ATAD2: variants seen among roughly 807,000 people sequenced by gnomAD.
The protein encoded by ATAD2 is ATPase family AAA domain containing 2.
A neutral mutation model predicts 168.9 loss-of-function variants in ATAD2; 62 were observed. That is an observed-to-expected ratio of 0.37 (90% confidence interval 0.30 to 0.45). ATAD2 has a LOEUF of 0.45. Among genes scored for constraint, ATAD2 ranks in the 20% least tolerant of loss-of-function variants. ATAD2 has a pLI of 1.00. For synonymous variants in ATAD2, 613 were observed against 571.6 expected (o/e 1.07, Z -1.03); for missense variants, 1,419 against 1,667.8 (o/e 0.85, Z 2.60).
At chr8:123,389,427 C>T (rs759279524) in intron 1 of ATAD2, among the ~76,000 whole-genome samples, 57 of 150,388 alleles carry the variant, frequency 3.8e-4, no homozygotes, top group Non-Finnish European at 7.7e-4. Context: ...ATCACGAAGT[C>T]GGGAGATTGA....
At chr8:123,360,408 C>T (rs1828778819) in intron 9 of ATAD2, among the ~76,000 whole-genome samples, 1 of 151,682 alleles carries the variant, frequency 6.6e-6, no homozygotes, top group South Asian at 2.1e-4. Flanking sequence ...GTGGTGTGAT[C>T]TCGGCTCGCT....
At chr8:123,339,897 C>G (rs1017785561) in intron 19 of ATAD2, among the ~76,000 whole-genome samples, 1 of 145,638 alleles carries the variant, frequency 6.9e-6, no homozygotes, top group South Asian at 2.2e-4. Flanking sequence ...TTTTTGTTTT[C>G]TTTTTTTTTT....
intron 19 of ATAD2, chr8:123,344,365 T>TTA (rs1828162161): frequency 6.8e-6 from 1 of 146,520 alleles, no homozygotes; most frequent in Non-Finnish European, 1.5e-5. Context: ...TTTTTTTTTT[T>TTA]GAGACAGAGT....
chr8:123,410,066 T>C (rs1000307476), intron 1 of ATAD2, among the ~76,000 whole-genome samples: 1 of 152,114 alleles, frequency 6.6e-6, no homozygotes, highest in Admixed American at 6.6e-5. Context: ...TTTACATGTC[T>C]GTGGCCTTTC....
chr8:123,349,509 A>G, intron 13 of ATAD2, 65 bp from the exon 14 acceptor site: 1 of 1,468,534 alleles, frequency 6.8e-7, no homozygotes, highest in Non-Finnish European at 9.3e-7. Flanking sequence ...ATTCAGTAAT[A>G]TTTCTTCTTT....
In ATAD2 at chr8:123,361,631, G is replaced by T; in HGVS notation, c.1065C>A (p.Ile355=). The part of the protein sequence containing the change: ...CKRMNRRRHA[I]HSSDSTSSSS... Reference sequence around the variant, plus strand: ...AAGATGAAGTCGAGTCACTACTGTGGATTGCATGCCTTCGCCTAAAGTAAA... The same window carrying T: ...AAGATGAAGTCGAGTCACTACTGTGTATTGCATGCCTTCGCCTAAAGTAAA... Residue 355 remains isoleucine, a synonymous_variant, in exon 9 of 28, where the codon ATC becomes ATA. Coordinates refer to ENST00000287394, the MANE Select transcript of ATAD2 (RefSeq NM_014109.4). 1 of 1,610,462 alleles carries T rather than the reference G, an allele frequency of 6.2e-7. No homozygotes were observed. The highest frequency in any genetic ancestry group is 8.5e-7 in the Non-Finnish European group (1 of 1,177,218).
At chr8:123,357,861 T>C (rs1828696640) in intron 11 of ATAD2, 125 bp from the exon 12 acceptor site, 2 of 985,428 alleles carry the variant, frequency 2.0e-6, no homozygotes, top group Non-Finnish European at 1.4e-6. Context: ...AACTGAATTA[T>C]GGTACAGTTT....
intron 1 of ATAD2, among the ~76,000 whole-genome samples, chr8:123,390,307 C>T (rs1829792150): frequency 6.6e-6 from 1 of 152,028 alleles, no homozygotes; most frequent in South Asian, 2.1e-4. Context: ...TTTAACTGGT[C>T]TTCTTAGCTC....
intron 19 of ATAD2, among the ~76,000 whole-genome samples, chr8:123,342,789 C>A (rs1828101278): frequency 6.6e-6 from 1 of 152,114 alleles, no homozygotes; most frequent in South Asian, 2.1e-4. Context: ...ACCTTGGCCT[C>A]CTTTCCTCCA....
intron 1 of ATAD2, among the ~76,000 whole-genome samples, chr8:123,387,019 A>C (rs1244206840): frequency 1.3e-5 from 2 of 152,152 alleles, no homozygotes; most frequent in Non-Finnish European, 2.9e-5. Context: ...TATAAAAATA[A>C]AGGCAATACA....
At chr8:123,410,020 C>T (rs1813129913) in intron 1 of ATAD2, among the ~76,000 whole-genome samples, 1 of 151,102 alleles carries the variant, frequency 6.6e-6, no homozygotes, top group Non-Finnish European at 1.5e-5. Flanking sequence ...TATTAAAGCT[C>T]AATATACTGT....
intron 1 of ATAD2, among the ~76,000 whole-genome samples, chr8:123,411,350 C>T (rs549416897): frequency 6.6e-6 from 1 of 152,218 alleles, no homozygotes; most frequent in Non-Finnish European, 1.5e-5. Context: ...CTGCACAACC[C>T]CTACTACGCC....
upstream of ATAD2, among the ~76,000 whole-genome samples, chr8:123,397,240 CAAAAAAAAAAAAA>C (rs71310670): frequency 5.0e-5 from 2 of 40,034 alleles, no homozygotes; most frequent in Admixed American, 6.8e-4. Context: ...GACTCTGTCT[CAAAAAAAAAAAAA>C]AAAAAAAAAA....
intron 6 of ATAD2, 101 bp from the exon 7 acceptor site, chr8:123,370,125 T>A: frequency 1.9e-6 from 2 of 1,054,284 alleles, no homozygotes; most frequent in Non-Finnish European, 1.4e-6. Context: ...CTTTTAAAAC[T>A]TATCTACTCC....
rs1829472543 is a variant in ATAD2, at chr8:123,380,776, T to C, written c.172-99A>G. 6 of 1,197,900 alleles carry C rather than the reference T, an allele frequency of 5.0e-6. No homozygotes were observed. The South Asian group carries it at 7.5e-5, about 15-fold the overall frequency. 74.2% of individuals were successfully genotyped at this position (1,197,900 alleles called of 1,614,324 possible). A position where few individuals can be genotyped will look rare whatever the true frequency, so the allele number is the denominator to read the frequency against. ...TCTCTGATTACAAGTTAGTAAAAAC[T>C]GCTTTTTGTGCAGAATCATTTTGTA... On this transcript the variant is annotated intron_variant, in intron 1 of 27. Coordinates refer to ENST00000287394, the MANE Select transcript of ATAD2 (RefSeq NM_014109.4).
chr8:123,331,211 G>T (rs1827767515), intron 24 of ATAD2, among the ~76,000 whole-genome samples: 1 of 152,164 alleles, frequency 6.6e-6, no homozygotes, highest in Non-Finnish European at 1.5e-5. Context: ...AAAGTGTTGG[G>T]ATTACAGGCG....
chr8:123,368,994 G>T, intron 8 of ATAD2, 64 bp downstream of exon 8: 4 of 910,596 alleles, frequency 4.4e-6, no homozygotes, highest in Non-Finnish European at 6.3e-6. Context: ...TGAAAGTCTA[G>T]AGTCCAGCCC....
chr8:123,355,610 A>G (rs972590931), intron 13 of ATAD2, among the ~76,000 whole-genome samples: 7 of 152,202 alleles, frequency 4.6e-5, no homozygotes, highest in Non-Finnish European at 7.3e-5. Context: ...TGTTTAGCGC[A>G]GGCAATGTCT....
chr8:123,329,981 C>CTTTT (rs71310666), intron 24 of ATAD2, among the ~76,000 whole-genome samples: 22 of 100,322 alleles, frequency 2.2e-4, no homozygotes, highest in African/African-American at 7.2e-4. Context: ...CCAGTGGCTT[C>CTTTT]TTTTTTTTTT....
Sources: gnomAD v4.1 joint callset for allele counts (sites outside exome capture counted in the v4.1 genomes callset) on GRCh38, gnomAD v4.1.1 for gene constraint, MANE v1.5 for transcripts, NCBI Gene and HGNC (gene_info 2026-07-23, HGNC 2026-07-21) for gene names.